Variants in EHBP1 observed in about 807,000 individuals in gnomAD.
EHBP1 encodes the protein EH domain binding protein 1.
EHBP1 carries 55 observed loss-of-function variants against 144.0 expected under a neutral mutation model. The ratio of observed to expected loss-of-function variants is 0.38; its 90% CI spans 0.31 to 0.48. The LOEUF (loss-of-function observed/expected upper bound fraction) is 0.48, where lower values mean the gene tolerates loss of function less well. Ranked by LOEUF, EHBP1 falls within the 20% of genes least tolerant of loss-of-function variation. EHBP1 has a pLI of 0.98. For missense variants in EHBP1, 1,200 were observed against 1,364.2 expected (o/e 0.88, Z 1.90); for synonymous variants, 469 against 472.7 (o/e 0.99, Z 0.10).
At chr2:62,744,548 A>T (rs2038982736) in intron 2 of EHBP1, among the ~76,000 whole-genome samples, 1 of 152,096 alleles carries the variant, frequency 6.6e-6, no homozygotes, top group Admixed American at 6.6e-5. Context: ...ATAATTAAAT[A>T]GTCGACTGAT....
At chr2:62,828,133 T>C (rs1178336675) in intron 6 of EHBP1, among the ~76,000 whole-genome samples, 1 of 152,224 alleles carries the variant, frequency 6.6e-6, no homozygotes, top group East Asian at 1.9e-4. Context: ...CTAAGGCTTA[T>C]ATGAGATAAG....
intron 14 of EHBP1, among the ~76,000 whole-genome samples, chr2:62,960,663 A>G (rs1228097100): frequency 6.6e-6 from 1 of 152,190 alleles, no homozygotes; most frequent in African/African-American, 2.4e-5. Context: ...GCTATTTTTC[A>G]TATCCTCTGA....
chr2:62,900,703 T>TATATATATATATATATA (rs1558881616), intron 10 of EHBP1, among the ~76,000 whole-genome samples: 3 of 150,542 alleles, frequency 2.0e-5, no homozygotes, highest in Admixed American at 6.6e-5. Flanking sequence ...TATATATATA[T>TATATATATATATATATA]TTTCTTTCTC....
At chr2:63,033,368 A>G (rs2061338013) in intron 19 of EHBP1, among the ~76,000 whole-genome samples, 1 of 152,174 alleles carries the variant, frequency 6.6e-6, no homozygotes, top group South Asian at 2.1e-4. Context: ...CTACTCAGCC[A>G]TCACCACTAT....
chr2:62,917,875 A>G lies in EHBP1; in HGVS notation c.1186-24843A>G, dbSNP rs534408149. On this transcript the variant is annotated intron_variant, in intron 10 of 22. Transcript: ENST00000431489. ...TGATTTATTCTGGTTTCGTTTGTTT[A>G]GTTTTTAGGAACTATTGTGTTCCTT... 4.0e-5 allele frequency among the ~76,000 whole-genome samples: 6 copies of G among 151,020 alleles called. No individual in the cohort carries two copies. In the South Asian group the frequency reaches 1.3e-3, roughly 32 times the overall value.
At chr2:63,024,883 C>T (rs969216466) in intron 19 of EHBP1, among the ~76,000 whole-genome samples, 5 of 151,572 alleles carry the variant, frequency 3.3e-5, no homozygotes, top group Non-Finnish European at 7.4e-5. Context: ...GTAGTCTCAG[C>T]TACTCAGGAG....
intron 15 of EHBP1, among the ~76,000 whole-genome samples, chr2:62,985,496 A>G (rs1271539757): frequency 1.3e-5 from 2 of 152,212 alleles, no homozygotes; most frequent in Non-Finnish European, 2.9e-5. Flanking sequence ...AAAGCACAGT[A>G]CTGATCATGT....
intron 14 of EHBP1, among the ~76,000 whole-genome samples, chr2:62,961,020 C>T (rs2057976422): frequency 6.6e-6 from 1 of 152,206 alleles, no homozygotes; most frequent in African/African-American, 2.4e-5. Context: ...TGAATCACAA[C>T]ACTACAAAAC....
chr2:62,909,191 C>G (rs538122663), intron 10 of EHBP1, among the ~76,000 whole-genome samples: 65 of 152,212 alleles, frequency 4.3e-4, no homozygotes, highest in Non-Finnish European at 5.7e-4. Context: ...GCCTTCCCCC[C>G]ACCCCGAGAC....
At chr2:62,790,789 A>T (rs544357510) in intron 5 of EHBP1, among the ~76,000 whole-genome samples, 2 of 152,186 alleles carry the variant, frequency 1.3e-5, no homozygotes, top group East Asian at 3.9e-4. Context: ...TGTTTTGTAG[A>T]TGTTAGTGTT....
At chr2:62,995,946 A>G (rs2059613134) in intron 18 of EHBP1, among the ~76,000 whole-genome samples, 1 of 152,080 alleles carries the variant, frequency 6.6e-6, no homozygotes, top group Non-Finnish European at 1.5e-5. Flanking sequence ...AACCAAATCA[A>G]TATATGAGTT....
At chr2:62,981,069 C>CAA (rs754301803) in intron 15 of EHBP1, among the ~76,000 whole-genome samples, 56 of 48,168 alleles carry the variant, frequency 1.2e-3, no homozygotes, top group African/African-American at 2.2e-3. Flanking sequence ...GATGCTGTCT[C>CAA]AAAAAAAAAA....
chr2:62,917,967 G>A (rs1052766714), intron 10 of EHBP1, among the ~76,000 whole-genome samples: 5 of 151,606 alleles, frequency 3.3e-5, no homozygotes, highest in African/African-American at 9.7e-5. Context: ...CATGATCTCA[G>A]CTCACTGCAA....
chr2:62,799,892 C>T (rs1045804282), intron 5 of EHBP1, among the ~76,000 whole-genome samples: 5 of 152,168 alleles, frequency 3.3e-5, no homozygotes, highest in African/African-American at 1.2e-4. Context: ...GAATACCTAC[C>T]TGGAGGAGGA....
At chr2:62,902,033 A>G (rs1402205467) in intron 10 of EHBP1, among the ~76,000 whole-genome samples, 3 of 152,118 alleles carry the variant, frequency 2.0e-5, no homozygotes, top group African/African-American at 7.2e-5. Flanking sequence ...TTTTTAGCAA[A>G]TATGGTTATA....
chr2:62,897,316 T>A (rs899638281), intron 10 of EHBP1, among the ~76,000 whole-genome samples: 10 of 152,370 alleles, frequency 6.6e-5, no homozygotes, highest in Non-Finnish European at 1.3e-4. Flanking sequence ...TACATCTCTA[T>A]TCCAGTATGT....
At chr2:62,865,111 G>A (rs2049936338) in intron 9 of EHBP1, 140 bp downstream of exon 9, 2 of 949,714 alleles carry the variant, frequency 2.1e-6, no homozygotes, top group Non-Finnish European at 3.1e-6. Flanking sequence ...CACTATCTGA[G>A]TGTTTATAGT....
chr2:62,962,819 G>T (rs950486497), intron 14 of EHBP1, among the ~76,000 whole-genome samples: 3 of 152,206 alleles, frequency 2.0e-5, no homozygotes, highest in African/African-American at 7.2e-5. Context: ...TTTGCAGATA[G>T]TTGTTAGGTA....
chr2:62,763,352 T>A (rs934076647), intron 3 of EHBP1, among the ~76,000 whole-genome samples: 1 of 152,152 alleles, frequency 6.6e-6, no homozygotes, highest in Non-Finnish European at 1.5e-5. Context: ...CTCCAGGGCC[T>A]AGAACAGTGC....
Sources: allele counts gnomAD v4.1 joint callset (sites outside exome capture counted in the v4.1 genomes callset), GRCh38; gene constraint gnomAD v4.1.1; transcripts MANE v1.5; gene names NCBI Gene and HGNC (gene_info 2026-07-23, HGNC 2026-07-21).